The following DPYD variants were observed in gnomAD, a reference collection of about 807,000 sequenced individuals.
DPYD encodes dihydropyrimidine dehydrogenase.
A neutral mutation model predicts 116.2 loss-of-function variants in DPYD; 109 were observed. The ratio of observed to expected loss-of-function variants is 0.94; its 90% confidence interval spans 0.80 to 1.10. The LOEUF (loss-of-function observed/expected upper bound fraction) is 1.10, where lower values mean the gene tolerates loss of function less well. Among genes scored for constraint, DPYD ranks in the 50% least tolerant of loss-of-function variants. The pLI, the probability that DPYD is intolerant of heterozygous loss-of-function variation, is 0.00. For missense variants in DPYD, 1,302 were observed against 1,254.5 expected (o/e 1.04, Z -0.57); for synonymous variants, 440 against 432.0 (o/e 1.02, Z -0.23).
At chr1:97,608,033 CAGA>C (rs1655708790) in intron 8 of DPYD, among the ~76,000 whole-genome samples, 1 of 151,764 alleles carries the variant, frequency 6.6e-6, no homozygotes, top group Non-Finnish European at 1.5e-5. Context: ...TGAGCCAACT[CAGA>C]AGAAGAAAGG....
intron 14 of DPYD, chr1:97,419,869 T>C (rs745523282): frequency 1.3e-5 from 2 of 152,354 alleles, no homozygotes; most frequent in African/African-American, 2.4e-5. Context: ...AGAAAGAATG[T>C]ACAAATTTAT....
intron 14 of DPYD, among the ~76,000 whole-genome samples, chr1:97,383,530 G>GCTAAGACTTA (rs1170418783): frequency 6.6e-6 from 1 of 151,528 alleles, no homozygotes; most frequent in Non-Finnish European, 1.5e-5. Context: ...AAAAGAAATT[G>GCTAAGACTTA]CTAAGACTTA....
chr1:97,367,452 G>C (rs1671096508), intron 16 of DPYD, among the ~76,000 whole-genome samples: 1 of 152,204 alleles, frequency 6.6e-6, no homozygotes, highest in South Asian at 2.1e-4. Flanking sequence ...AAATCGTCAT[G>C]AAAGCAGGAC....
At chr1:97,479,809 A>G (rs1252204858) in intron 13 of DPYD, among the ~76,000 whole-genome samples, 1 of 152,216 alleles carries the variant, frequency 6.6e-6, no homozygotes, top group East Asian at 1.9e-4. Context: ...ACCAAATTCA[A>G]CAGTTACTTT....
chr1:97,864,388 T>C (rs1671268930), intron 2 of DPYD, among the ~76,000 whole-genome samples: 1 of 151,896 alleles, frequency 6.6e-6, no homozygotes, highest in African/African-American at 2.4e-5. Context: ...TTGGATTCAG[T>C]AAACATATTT....
intron 16 of DPYD, among the ~76,000 whole-genome samples, chr1:97,353,783 A>G (rs1026054378): frequency 2.0e-5 from 3 of 152,170 alleles, no homozygotes; most frequent in Admixed American, 6.5e-5. Flanking sequence ...ATATAGAGGA[A>G]CTTTCATAAC....
At chr1:97,652,370 T>C (rs1023207150) in intron 8 of DPYD, among the ~76,000 whole-genome samples, 11 of 152,176 alleles carry the variant, frequency 7.2e-5, no homozygotes, top group Admixed American at 2.6e-4. Flanking sequence ...GGCCACGCAA[T>C]TGAATAAAAA....
At chr1:97,821,609 TTTGA>T (rs1227238290) in intron 3 of DPYD, among the ~76,000 whole-genome samples, 58 of 152,164 alleles carry the variant, frequency 3.8e-4, no homozygotes, top group Admixed American at 1.2e-3. Context: ...ATGCTTTTTC[TTTGA>T]TTATCATTTT....
At chr1:97,494,444 T>A (rs1679144616) in intron 13 of DPYD, among the ~76,000 whole-genome samples, 1 of 152,200 alleles carries the variant, frequency 6.6e-6, no homozygotes, top group South Asian at 2.1e-4. Context: ...AAAGGCTTCA[T>A]AGTGTGTTAG....
chr1:97,195,674 A>C (rs192011432), intron 19 of DPYD, among the ~76,000 whole-genome samples: 1 of 79,730 alleles, frequency 1.3e-5, no homozygotes, highest in Non-Finnish European at 2.3e-5. Flanking sequence ...ATATATATAT[A>C]TATATATATA....
intron 18 of DPYD, among the ~76,000 whole-genome samples, chr1:97,268,066 AAAGG>A (rs1664347323): frequency 6.6e-6 from 1 of 152,198 alleles, no homozygotes; most frequent in African/African-American, 2.4e-5. Context: ...AGGCAAGAAA[AAAGG>A]AGTAACTTGT....
intron 8 of DPYD, among the ~76,000 whole-genome samples, chr1:97,647,246 A>G (rs115343713): frequency 0.013 from 1,965 of 152,198 alleles, 21 homozygotes; most frequent in Middle Eastern, 0.024. Context: ...CTTTCCACCA[A>G]TAAAAATTTA....
At position 97,079,974 on chromosome 1, in the gene DPYD, T is replaced by A. The variant is rs527739917; in HGVS notation, c.2908-828A>T. On this transcript the variant is annotated intron_variant, in intron 22 of 22. Coordinates refer to ENST00000370192, the MANE Select transcript of DPYD (RefSeq NM_000110.4). Reference sequence around the variant, plus strand: ...ATGAAATTCAGGACCGAGTTTTTTTTAAAAAAAGATATGATGATTATTTTC... The same window carrying A: ...ATGAAATTCAGGACCGAGTTTTTTTAAAAAAAAGATATGATGATTATTTTC... 1.7e-3 allele frequency among the ~76,000 whole-genome samples: 254 copies of A among 152,014 alleles called. 1 individual carries two copies. Among genetic ancestry groups the A allele is most frequent in the Admixed American group, 4.7e-3 (72 of 15,244 alleles).
chr1:97,355,533 T>C (rs1417924796), intron 16 of DPYD, among the ~76,000 whole-genome samples: 1 of 152,120 alleles, frequency 6.6e-6, no homozygotes, highest in Non-Finnish European at 1.5e-5. Flanking sequence ...AGACTTTACA[T>C]CCTTTCACCA....
intron 13 of DPYD, among the ~76,000 whole-genome samples, chr1:97,469,413 A>AAAAAAAAAAC (rs1677513411): frequency 6.8e-6 from 1 of 147,720 alleles, no homozygotes; most frequent in Non-Finnish European, 1.5e-5. Context: ...AAAAAAAAAA[A>AAAAAAAAAAC]AAAAAAAAAA....
At chr1:97,708,731 C>T (rs189909982) in intron 5 of DPYD, among the ~76,000 whole-genome samples, 2 of 152,032 alleles carry the variant, frequency 1.3e-5, no homozygotes, top group African/African-American at 4.8e-5. Flanking sequence ...ATTGGGAAGA[C>T]CTGACATCTT....
At chr1:97,228,088 T>C (rs1377802247) in intron 19 of DPYD, among the ~76,000 whole-genome samples, 2 of 151,662 alleles carry the variant, frequency 1.3e-5, no homozygotes, top group South Asian at 2.1e-4. Flanking sequence ...ATTTATTGTA[T>C]ATTTTTCTGT....
intron 20 of DPYD, among the ~76,000 whole-genome samples, chr1:97,188,530 G>A (rs1658151733): frequency 6.6e-6 from 1 of 152,068 alleles, no homozygotes; most frequent in African/African-American, 2.4e-5. Context: ...GTAATGACCT[G>A]CAGCACTGGA....
intron 3 of DPYD, among the ~76,000 whole-genome samples, chr1:97,811,638 ACAAT>A (rs1480273706): frequency 2.0e-5 from 3 of 152,172 alleles, no homozygotes; most frequent in Non-Finnish European, 4.4e-5. Flanking sequence ...CTTCAGTTTT[ACAAT>A]CAATCAGTAT....
Sources: gnomAD v4.1 joint callset for allele counts (sites outside exome capture counted in the v4.1 genomes callset) on GRCh38, gnomAD v4.1.1 for gene constraint, MANE v1.5 for transcripts, NCBI Gene and HGNC (gene_info 2026-07-23, HGNC 2026-07-21) for gene names.